Variants in PPP2R2B observed in about 807,000 individuals in gnomAD.
PPP2R2B encodes protein phosphatase 2 regulatory subunit Bbeta.
PPP2R2B carries 5 observed loss-of-function variants against 46.0 expected under a neutral mutation model. The observed-to-expected ratio is 0.11, with a 90% CI of 0.06 to 0.23. The LOEUF (loss-of-function observed/expected upper bound fraction) is 0.23, where lower values mean the gene tolerates loss of function less well. Ranked by LOEUF, PPP2R2B falls within the 10% of genes least tolerant of loss-of-function variation. PPP2R2B has a pLI of 1.00. For synonymous variants in PPP2R2B, 215 were observed against 206.7 expected, an observed-to-expected ratio of 1.04 and a Z score of -0.34; for missense variants, 367 against 575.0, an observed-to-expected ratio of 0.64 and a Z score of 3.70.
chr5:146,640,041 C>G (rs1028586500), intron 6 of PPP2R2B, among the ~76,000 whole-genome samples: 1 of 152,166 alleles, frequency 6.6e-6, no homozygotes, highest in African/African-American at 2.4e-5. Flanking sequence ...AGTTTAGATG[C>G]GGTACAAGCA....
chr5:146,746,533 GTATT>G (rs1228681141), intron 2 of PPP2R2B, among the ~76,000 whole-genome samples: 1 of 152,172 alleles, frequency 6.6e-6, no homozygotes, highest in Admixed American at 6.5e-5. Context: ...AGCTCTCAAA[GTATT>G]TATTCTCTAG....
At chr5:146,879,797 C>T (rs1035190540), upstream of PPP2R2B, among the ~76,000 whole-genome samples, 1 of 152,162 alleles carries the variant, frequency 6.6e-6, no homozygotes, top group African/African-American at 2.4e-5. Context: ...AAGACATCAA[C>T]CCCAATCAGT....
intron 2 of PPP2R2B, among the ~76,000 whole-genome samples, chr5:146,767,142 C>G (rs1754534641): frequency 6.9e-6 from 1 of 145,610 alleles, no homozygotes; most frequent in African/African-American, 2.5e-5. Flanking sequence ...TATATCCAGA[C>G]TTCACTAAAT....
intron 2 of PPP2R2B, among the ~76,000 whole-genome samples, chr5:147,061,149 C>G (rs1757245990): frequency 6.6e-6 from 1 of 152,068 alleles, no homozygotes. Flanking sequence ...GTTGAGGATA[C>G]AGCAGTAAAT....
chr5:146,849,197 G>A (rs1241554477), intron 2 of PPP2R2B, among the ~76,000 whole-genome samples: 1 of 152,078 alleles, frequency 6.6e-6, no homozygotes, highest in African/African-American at 2.4e-5. Context: ...TTGCTACTGG[G>A]ATGCCATTTC....
rs548031799 is a variant in PPP2R2B, at chr5:146,936,604, A to G, written c.79+119061T>C. Among the ~76,000 whole-genome samples the G allele has an allele frequency of 7.9e-5, 12 of 152,176 alleles. No individual in the cohort carries two copies. The South Asian group carries it at 2.5e-3, about 32-fold the overall frequency. ...TTCACATCACTAGGCTCAAACAAAC[A>G]GAACCTCTCTGTACAGAGAGATAGT... On this transcript the variant is annotated intron_variant, in intron 1 of 8. Transcript: ENST00000336640.
intron 2 of PPP2R2B, among the ~76,000 whole-genome samples, chr5:146,831,259 G>A (rs1758912955): frequency 6.6e-6 from 1 of 152,040 alleles, no homozygotes; most frequent in Non-Finnish European, 1.5e-5. Context: ...CACTTTGGGA[G>A]GCTGAGACAG....
chr5:146,708,777 T>C (rs1032582103), intron 2 of PPP2R2B, among the ~76,000 whole-genome samples: 7 of 152,162 alleles, frequency 4.6e-5, no homozygotes, highest in African/African-American at 1.7e-4. Context: ...CTATTTGGGA[T>C]TCTGTTTGGA....
At chr5:146,859,858 A>AG (rs1443547832) in intron 2 of PPP2R2B, among the ~76,000 whole-genome samples, 1 of 152,166 alleles carries the variant, frequency 6.6e-6, no homozygotes, top group Non-Finnish European at 1.5e-5. Flanking sequence ...GCCTATGTAT[A>AG]GATTAGAACA....
intron 2 of PPP2R2B, among the ~76,000 whole-genome samples, chr5:146,829,083 T>C (rs954051022): frequency 7.2e-5 from 11 of 152,198 alleles, no homozygotes; most frequent in Non-Finnish European, 1.3e-4. Flanking sequence ...TAATGTGATT[T>C]AGAGTGATTA....
At chr5:146,603,685 T>C (rs1771992327) in intron 7 of PPP2R2B, among the ~76,000 whole-genome samples, 1 of 152,232 alleles carries the variant, frequency 6.6e-6, no homozygotes, top group African/African-American at 2.4e-5. Flanking sequence ...TTAATAGTAT[T>C]AATAATTACT....
At chr5:147,077,239 A>G (rs1757802747) in intron 2 of PPP2R2B, among the ~76,000 whole-genome samples, 1 of 146,314 alleles carries the variant, frequency 6.8e-6, no homozygotes, top group East Asian at 2.0e-4. Flanking sequence ...TAAATATAAT[A>G]TATACATATA....
Position 146,963,750 on chromosome 5 carries a change from T to C in PPP2R2B, c.79+91915A>G, listed in dbSNP as rs188826840. ...GCCAAAAGTCACACTGCTAACACCT[T>C]GCACAGCCTAAATTCAAATCCATAT... On this transcript the variant is annotated intron_variant, in intron 1 of 8. Transcript: ENST00000336640. 3.3e-5 allele frequency among the ~76,000 whole-genome samples: 5 copies of C among 152,314 alleles called. No homozygotes were observed. In the East Asian group the frequency reaches 9.6e-4, roughly 29 times the overall value.
At chr5:146,631,642 C>G (rs751748602) in intron 7 of PPP2R2B, among the ~76,000 whole-genome samples, 4 of 152,130 alleles carry the variant, frequency 2.6e-5, no homozygotes, top group Admixed American at 2.6e-4. Flanking sequence ...GAATCAGGTA[C>G]CTCAATGCCT....
At chr5:146,901,760 C>A (rs998993575) in intron 1 of PPP2R2B, among the ~76,000 whole-genome samples, 5 of 151,998 alleles carry the variant, frequency 3.3e-5, no homozygotes, top group African/African-American at 2.4e-5. Flanking sequence ...AAAATACTTT[C>A]CATTGAGGTA....
intron 2 of PPP2R2B, among the ~76,000 whole-genome samples, chr5:146,756,095 C>G (rs532805546): frequency 6.6e-6 from 1 of 152,144 alleles, no homozygotes; most frequent in Admixed American, 6.5e-5. Flanking sequence ...TGGGAAGGAA[C>G]AAACCAGAGG....
At chr5:147,061,552 G>A (rs76462379) in intron 2 of PPP2R2B, among the ~76,000 whole-genome samples, 3,486 of 152,138 alleles carry the variant, frequency 0.023, 90 homozygotes, top group African/African-American at 0.063. Flanking sequence ...TGTCTTTCTC[G>A]CTCATTGCAT....
At chr5:146,858,209 A>G (rs1299747107) in intron 2 of PPP2R2B, among the ~76,000 whole-genome samples, 2 of 152,222 alleles carry the variant, frequency 1.3e-5, no homozygotes, top group African/African-American at 4.8e-5. Flanking sequence ...GCCAGGATAC[A>G]AACCCAGTCA....
chr5:146,810,258 G>C (rs1757444395), intron 2 of PPP2R2B, among the ~76,000 whole-genome samples: 1 of 152,164 alleles, frequency 6.6e-6, no homozygotes, highest in African/African-American at 2.4e-5. Context: ...GTTCCATGTG[G>C]CTGGGGAGGC....
Sources: allele counts gnomAD v4.1 joint callset (sites outside exome capture counted in the v4.1 genomes callset), GRCh38; gene constraint gnomAD v4.1.1; transcripts MANE v1.5; gene names NCBI Gene and HGNC (gene_info 2026-07-23, HGNC 2026-07-21).